The following ADGRL2 variants were observed in gnomAD, a reference collection of about 807,000 sequenced individuals.
ADGRL2 encodes calcium-independent alpha-latrotoxin receptor 2.
A neutral mutation model predicts 157.4 loss-of-function variants in ADGRL2; 44 were observed. The ratio of observed to expected loss-of-function variants is 0.28; its 90% confidence interval spans 0.22 to 0.36. ADGRL2 has a LOEUF of 0.36. Ranked by LOEUF, ADGRL2 falls within the 10% of genes least tolerant of loss-of-function variation. The pLI, the probability that ADGRL2 is intolerant of heterozygous loss-of-function variation, is 1.00. For missense variants in ADGRL2, 1,510 were observed against 1,768.9 expected, an observed-to-expected ratio of 0.85 and a Z score of 2.63; for synonymous variants, 585 against 624.7, an observed-to-expected ratio of 0.94 and a Z score of 0.95.
intron 1 of ADGRL2, among the ~76,000 whole-genome samples, chr1:81,434,015 G>T (rs1047971400): frequency 6.6e-6 from 1 of 152,152 alleles, no homozygotes; most frequent in African/African-American, 2.4e-5. Flanking sequence ...GAAGCTCAGG[G>T]TTCCAAAAGA....
intron 1 of ADGRL2, among the ~76,000 whole-genome samples, chr1:81,809,304 T>C (rs911930780): frequency 1.3e-5 from 2 of 152,044 alleles, no homozygotes; most frequent in Non-Finnish European, 2.9e-5. Flanking sequence ...AACAGAAATA[T>C]ATTGTTAAAA....
chr1:81,415,863 C>T (rs1267509991), intron 1 of ADGRL2, among the ~76,000 whole-genome samples: 4 of 135,678 alleles, frequency 2.9e-5, no homozygotes, highest in Admixed American at 1.6e-4. Context: ...TTTTTTGAGA[C>T]GGAGTCTTGC....
At chr1:81,380,847 A>G (rs1478041662) in intron 1 of ADGRL2, among the ~76,000 whole-genome samples, 1 of 151,764 alleles carries the variant, frequency 6.6e-6, no homozygotes, top group Non-Finnish European at 1.5e-5. Context: ...TTTTAAATGA[A>G]TGGTAGGAAA....
In ADGRL2 at chr1:81,390,579, A is replaced by G. The variant is rs566999270; in HGVS notation, c.-301-54457A>G. The stretch of plus-strand genomic sequence containing the variant: ...GTGAACAGTAAATGCCCTCCCTCCT[A>G]TCATTTGTTTCAATTTATTGCATAT... On this transcript the variant is annotated intron_variant, in intron 1 of 24. Coordinates refer to the ADGRL2 transcript ENST00000370721. Among the ~76,000 whole-genome samples the G allele has an allele frequency of 5.3e-5, 8 of 151,948 alleles. No homozygotes were observed. In the South Asian group the frequency reaches 8.3e-4, roughly 16 times the overall value.
chr1:81,909,464 C>G (rs1230122629), intron 3 of ADGRL2, among the ~76,000 whole-genome samples: 2 of 152,092 alleles, frequency 1.3e-5, no homozygotes, highest in Non-Finnish European at 2.9e-5. Flanking sequence ...TCCTTGTATC[C>G]TTCAACGAAT....
intron 1 of ADGRL2, among the ~76,000 whole-genome samples, chr1:81,403,673 T>TTGG (rs1441833883): frequency 6.6e-6 from 1 of 152,148 alleles, no homozygotes; most frequent in Non-Finnish European, 1.5e-5. Flanking sequence ...GGTTTAAAAT[T>TTGG]TAGAGATGCC....
At chr1:81,362,727 C>T (rs1458562404) in intron 1 of ADGRL2, among the ~76,000 whole-genome samples, 2 of 151,910 alleles carry the variant, frequency 1.3e-5, no homozygotes, top group Non-Finnish European at 2.9e-5. Flanking sequence ...AAAATGATCA[C>T]ATATAGCTAA....
chr1:81,443,551 G>A (rs2077547286), intron 1 of ADGRL2, among the ~76,000 whole-genome samples: 1 of 151,976 alleles, frequency 6.6e-6, no homozygotes, highest in Non-Finnish European at 1.5e-5. Flanking sequence ...GCTGGTTTGA[G>A]ACCCACTTGA....
chr1:81,551,867 T>A (rs544830263), intron 2 of ADGRL2, among the ~76,000 whole-genome samples: 4 of 152,296 alleles, frequency 2.6e-5, no homozygotes, highest in Admixed American at 1.3e-4. Context: ...TTGGAAAACT[T>A]ATGGAAAATA....
intron 3 of ADGRL2, among the ~76,000 whole-genome samples, chr1:81,652,469 C>T (rs924285782): frequency 2.0e-5 from 3 of 152,032 alleles, no homozygotes; most frequent in East Asian, 1.9e-4. Context: ...ATAAACAATA[C>T]AGAAGAATAC....
At chr1:81,867,523 A>C (rs950445158) in intron 2 of ADGRL2, among the ~76,000 whole-genome samples, 1 of 152,224 alleles carries the variant, frequency 6.6e-6, no homozygotes, top group African/African-American at 2.4e-5. Context: ...CTGATGAATG[A>C]GTTTTATATT....
chr1:81,798,546 A>T (rs1319001635), upstream of ADGRL2, among the ~76,000 whole-genome samples: 1 of 152,124 alleles, frequency 6.6e-6, no homozygotes, highest in African/African-American at 2.4e-5. Flanking sequence ...TTGAAATAAG[A>T]TTTGAAACTT....
rs368535618 is a variant in ADGRL2 at position 81,990,388 on chromosome 1, C to T, written c.3656-3C>T. On this transcript the variant is annotated splice_polypyrimidine_tract_variant and splice_region_variant and intron_variant, in intron 23 of 23. Coordinates refer to ENST00000686636, the MANE Select transcript of ADGRL2 (RefSeq NM_001366006.2). ...AATGATAACTCCCCCTCTTCTGTTT[C>T]AGGACATTCACTGAACAATGCCAGG... The T allele has an allele frequency of 1.2e-5, 19 of 1,610,270 alleles. No individual in the cohort carries two copies. The African/African-American group carries it at 2.1e-4, about 18-fold the overall frequency.
intron 2 of ADGRL2, among the ~76,000 whole-genome samples, chr1:81,851,756 G>GTGTA (rs779857930): frequency 6.6e-5 from 10 of 151,308 alleles, no homozygotes; most frequent in Non-Finnish European, 1.5e-4. Context: ...GTGTGTGTGT[G>GTGTA]TGTGTGTATG....
Position 81,447,203 on chromosome 1 carries a change from T to G in ADGRL2, c.-248+2114T>G, listed in dbSNP as rs1279904257. 6.8e-4 allele frequency among the ~76,000 whole-genome samples: 94 copies of G among 137,742 alleles called. 1 individual carries two copies. Among genetic ancestry groups the G allele is most frequent in the African/African-American group, 2.3e-3 (90 of 39,014 alleles). The allele number at this position is 137,742 out of a possible 152,430, so 90.4% of individuals were successfully genotyped here. On this transcript the variant is annotated intron_variant, in intron 2 of 24. Coordinates refer to the ADGRL2 transcript ENST00000370721. ...CATTATAATAGATACCATTCCCAGA[T>G]GATACTTACGTGAATTTTTTTCTTT...
At chr1:81,353,485 C>T (rs550115300) in intron 1 of ADGRL2, among the ~76,000 whole-genome samples, 16 of 152,220 alleles carry the variant, frequency 1.1e-4, no homozygotes, top group African/African-American at 3.6e-4. Flanking sequence ...GATTCAGGGG[C>T]TCCACTACGG....
intron 3 of ADGRL2, among the ~76,000 whole-genome samples, chr1:81,623,993 C>T (rs1465359736): frequency 1.3e-5 from 2 of 152,042 alleles, no homozygotes; most frequent in Non-Finnish European, 2.9e-5. Context: ...CAAAGACACA[C>T]ACAGGGAAGG....
intron 3 of ADGRL2, among the ~76,000 whole-genome samples, chr1:81,930,260 C>CAATATT (rs2095200446): frequency 6.6e-6 from 1 of 152,140 alleles, no homozygotes; most frequent in Non-Finnish European, 1.5e-5. Context: ...AGTAATGAGG[C>CAATATT]ACTATGTCTC....
intron 1 of ADGRL2, among the ~76,000 whole-genome samples, chr1:81,367,314 C>T (rs1354785948): frequency 6.6e-6 from 1 of 150,996 alleles, no homozygotes; most frequent in African/African-American, 2.5e-5. Context: ...AGGGATCAAC[C>T]CATCACCCAG....
Sources: allele counts gnomAD v4.1 joint callset (sites outside exome capture counted in the v4.1 genomes callset), GRCh38; gene constraint gnomAD v4.1.1; transcripts MANE v1.5; gene names NCBI Gene and HGNC (gene_info 2026-07-23, HGNC 2026-07-21).